NAV2: variants seen among roughly 807,000 people sequenced by gnomAD.
The protein encoded by NAV2 is helicase, APC down-regulated 1.
A neutral mutation model predicts 223.2 loss-of-function variants in NAV2; 54 were observed. That is an observed-to-expected ratio of 0.24 (90% CI 0.19 to 0.30). NAV2 has a LOEUF of 0.30. NAV2 is among the 10% of genes least tolerant of loss of function. The pLI, the probability that NAV2 is intolerant of heterozygous loss-of-function variation, is 1.00. For missense variants in NAV2, 2,806 were observed against 3,147.5 expected, an observed-to-expected ratio of 0.89 and a Z score of 2.60; for synonymous variants, 1,279 against 1,239.3, an observed-to-expected ratio of 1.03 and a Z score of -0.67.
At chr11:19,857,240 A>G (rs1275416811) in intron 3 of NAV2, among the ~76,000 whole-genome samples, 1 of 152,210 alleles carries the variant, frequency 6.6e-6, no homozygotes, top group Admixed American at 6.5e-5. Context: ...CCTCTTGAAG[A>G]TTCTATGGTG....
intron 5 of NAV2, among the ~76,000 whole-genome samples, chr11:19,885,361 G>GTA (rs1006933380): frequency 6.6e-6 from 1 of 152,140 alleles, no homozygotes; most frequent in African/African-American, 2.4e-5. Context: ...TTCAATTCTG[G>GTA]TATCTCTGTG....
chr11:19,690,590 G>T (rs1308678581), intron 1 of NAV2, among the ~76,000 whole-genome samples: 1 of 152,174 alleles, frequency 6.6e-6, no homozygotes, highest in African/African-American at 2.4e-5. Context: ...AAGTTTGGGG[G>T]ATCCAAAGGA....
intron 1 of NAV2, among the ~76,000 whole-genome samples, chr11:19,391,524 T>G (rs191555253): frequency 3.3e-4 from 50 of 152,236 alleles, no homozygotes; most frequent in African/African-American, 1.2e-3. Flanking sequence ...TCCCCTTACA[T>G]TGGAGGAGGA....
At chr11:19,950,446 G>A (rs1457088027) in intron 10 of NAV2, among the ~76,000 whole-genome samples, 1 of 152,252 alleles carries the variant, frequency 6.6e-6, no homozygotes, top group Non-Finnish European at 1.5e-5. Context: ...ATTAGGGACA[G>A]AGCGTAATAG....
intron 1 of NAV2, among the ~76,000 whole-genome samples, chr11:19,545,089 A>G (rs1372952714): frequency 2.6e-5 from 4 of 152,140 alleles, no homozygotes; most frequent in Non-Finnish European, 5.9e-5. Context: ...TTTCCCTCCC[A>G]TGAAGTCGTT....
At chr11:20,044,401 A>G in intron 13 of NAV2, 129 bp downstream of exon 13, 1 of 830,234 alleles carries the variant, frequency 1.2e-6, no homozygotes, top group Non-Finnish European at 1.8e-6. Flanking sequence ...ACGAGCTTCC[A>G]TAAACTTTCA....
At chr11:20,062,111 T>C (rs1308735148) in intron 19 of NAV2, among the ~76,000 whole-genome samples, 196 bp from the exon 20 acceptor site, 1 of 152,186 alleles carries the variant, frequency 6.6e-6, no homozygotes, top group African/African-American at 2.4e-5. Context: ...AATGCGGTAA[T>C]AGAAAAGTGA....
intron 14 of NAV2, among the ~76,000 whole-genome samples, chr11:20,046,335 CAAA>C (rs778055012): frequency 4.2e-5 from 4 of 94,944 alleles, no homozygotes; most frequent in Non-Finnish European, 2.2e-5. Context: ...GACTCCATCT[CAAA>C]AAAAAAAAAA....
intron 1 of NAV2, among the ~76,000 whole-genome samples, chr11:19,695,051 G>A (rs1032451184): frequency 6.6e-6 from 1 of 152,176 alleles, no homozygotes; most frequent in African/African-American, 2.4e-5. Flanking sequence ...CTTGGATCAG[G>A]GAATGTACTC....
intron 1 of NAV2, among the ~76,000 whole-genome samples, chr11:19,566,073 TTTTA>T (rs1299265403): frequency 1.4e-5 from 2 of 144,250 alleles, no homozygotes; most frequent in East Asian, 4.1e-4. Context: ...TTTTATTTTA[TTTTA>T]TTTTTTTGTG....
At chr11:19,375,358 C>G (rs1848606419) in intron 1 of NAV2, among the ~76,000 whole-genome samples, 1 of 152,196 alleles carries the variant, frequency 6.6e-6, no homozygotes, top group African/African-American at 2.4e-5. Context: ...TGGGCACAGG[C>G]CGGGAAACAA....
intron 1 of NAV2, among the ~76,000 whole-genome samples, chr11:19,358,910 C>A (rs1853774587): frequency 6.6e-6 from 1 of 152,234 alleles, no homozygotes; most frequent in Non-Finnish European, 1.5e-5. Flanking sequence ...CTTAGATACA[C>A]TTTGCACCTC....
intron 25 of NAV2, among the ~76,000 whole-genome samples, chr11:20,081,327 G>A (rs961418825): frequency 2.0e-4 from 30 of 152,072 alleles, no homozygotes; most frequent in African/African-American, 6.8e-4. Context: ...ATATGCAATC[G>A]ATAAACATGG....
chr11:19,835,505 T>C (rs911663263), intron 2 of NAV2, among the ~76,000 whole-genome samples: 2 of 152,132 alleles, frequency 1.3e-5, no homozygotes, highest in Non-Finnish European at 2.9e-5. Flanking sequence ...TACTCTTAGA[T>C]TGTCTTATGA....
chr11:19,736,464 T>G (rs1250743757), intron 1 of NAV2, among the ~76,000 whole-genome samples: 1 of 152,194 alleles, frequency 6.6e-6, no homozygotes, highest in Non-Finnish European at 1.5e-5. Context: ...ACACTTTATC[T>G]TCCAGTGGTA....
intron 11 of NAV2, among the ~76,000 whole-genome samples, chr11:20,005,391 G>A (rs1012643923): frequency 8.6e-5 from 13 of 151,350 alleles, no homozygotes; most frequent in South Asian, 6.3e-4. Context: ...GACTACAGGC[G>A]TCTGCCACCA....
chr11:20,094,245 T>C (rs2061075462), intron 29 of NAV2, among the ~76,000 whole-genome samples: 1 of 96,144 alleles, frequency 1.0e-5, no homozygotes, highest in African/African-American at 3.6e-5. Context: ...TTTTTTTTTT[T>C]TGGAGGCAGA....
chr11:19,364,269 T>G (rs1400424802), intron 1 of NAV2, among the ~76,000 whole-genome samples: 2 of 152,214 alleles, frequency 1.3e-5, no homozygotes, highest in African/African-American at 4.8e-5. Flanking sequence ...TTTCAGAAGC[T>G]GTGTGCCAGG....
rs141604094 is a variant in NAV2 at position 19,699,706 on chromosome 11, C to T, written c.76-132778C>T. Among the ~76,000 whole-genome samples, 113 of 152,318 alleles carry T rather than the reference C, an allele frequency of 7.4e-4. 1 individual carries two copies. In the East Asian group the frequency reaches 0.02, roughly 27 times the overall value. On this transcript the variant is annotated intron_variant, in intron 1 of 37. Transcript: ENST00000360655. Reference sequence around the variant, plus strand: ...GAGATAACAGACATTCATAGCCTTACCATGCATTTCCTTGTGAACCAAGTT... The same window carrying T: ...GAGATAACAGACATTCATAGCCTTATCATGCATTTCCTTGTGAACCAAGTT...
Sources: gnomAD v4.1 joint callset for allele counts (sites outside exome capture counted in the v4.1 genomes callset) on GRCh38, gnomAD v4.1.1 for gene constraint, MANE v1.5 for transcripts, NCBI Gene and HGNC (gene_info 2026-07-23, HGNC 2026-07-21) for gene names.